GATC: variants seen among roughly 807,000 people sequenced by gnomAD.
GATC encodes glutamyl-tRNA(Gln) amidotransferase subunit C, mitochondrial.
GATC carries 11 observed loss-of-function variants against 14.4 expected under a neutral mutation model. The ratio of observed to expected loss-of-function variants is 0.77; its 90% CI spans 0.48 to 1.27. The LOEUF (loss-of-function observed/expected upper bound fraction) is 1.27. Ranked by LOEUF, GATC falls within the 50% of genes most tolerant of loss-of-function variation. GATC has a pLI of 0.00. For missense variants in GATC, 204 were observed against 183.0 expected (o/e 1.11, Z -0.66); for synonymous variants, 76 against 79.3 (o/e 0.96, Z 0.22).
intron 2 of GATC, among the ~76,000 whole-genome samples, chr12:120,456,707 G>C (rs4767898): frequency 0.73 from 111,226 of 152,130 alleles, 41,847 homozygotes; most frequent in African/African-American, 0.92. Flanking sequence ...TGCTACTCAC[G>C]CAGGCTGGAC....
rs766847472 is a variant in GATC at position 120,446,463 on chromosome 12, G to T, written c.-18G>T. The T allele has an allele frequency of 6.2e-7, 1 of 1,604,706 alleles. No individual in the cohort carries two copies. The highest frequency in any genetic ancestry group is 1.1e-5 in the South Asian group (1 of 90,534). On this transcript the variant is annotated 5_prime_UTR_variant, in exon 1 of 4. Transcript: ENST00000551765. ...GGCGTTACGCGCGGGCGCACTGCGG[G>T]GGCCAAGGAAGGAAGAAATGTGGTC...
intron 2 of GATC, among the ~76,000 whole-genome samples, chr12:120,453,141 CAAAG>C (rs10581645): frequency 0.29 from 43,620 of 151,790 alleles, 6,567 homozygotes; most frequent in East Asian, 0.49. Context: ...AAAAGAAGCT[CAAAG>C]AAAGAAAAGC....
rs1305926677 is a variant in GATC, at chr12:120,450,820, T to C, written c.254+3991T>C. 4 of 152,126 alleles carry C rather than the reference T, an allele frequency of 2.6e-5. No individual in the cohort carries two copies. The East Asian group carries it at 7.7e-4, about 29-fold the overall frequency. The allele number at this position is 152,126 out of a possible 1,614,324, so 9.4% of individuals were successfully genotyped here. ...TGCAGGAGGCCAAGTTGCTTAAATG[T>C]TTTAGGTAGTAGGCATCTTAGCTAT... On this transcript the variant is annotated intron_variant, in intron 2 of 3. Coordinates refer to ENST00000551765, the MANE Select transcript of GATC (RefSeq NM_176818.3).
chr12:120,457,664 T>G (rs1468517006), intron 3 of GATC, among the ~76,000 whole-genome samples: 1 of 142,240 alleles, frequency 7.0e-6, no homozygotes, highest in Non-Finnish European at 1.5e-5. Context: ...TGGAGTGCAA[T>G]GGTGCAATCT....
At chr12:120,457,235 A>G in intron 3 of GATC, 56 bp downstream of exon 3, 1 of 1,292,032 alleles carries the variant, frequency 7.7e-7, no homozygotes. Context: ...TTAGGAATGA[A>G]GCAGGAAGCA....
Position 120,462,320 on chromosome 12 carries a change from G to A in GATC, c.*2361G>A. On this transcript the variant is annotated 3_prime_UTR_variant, in exon 4 of 4. Coordinates refer to ENST00000551765, the MANE Select transcript of GATC (RefSeq NM_176818.3). ...TCTCATTAAACCTTCATAACATTAT[G>A]AGGTAGGTACTCTTACTATCCCATT... 2 of 681,484 alleles carry A rather than the reference G, an allele frequency of 2.9e-6. No homozygotes were observed. Among genetic ancestry groups the A allele is most frequent in the Non-Finnish European group, 4.7e-6 (2 of 430,038 alleles). The allele number at this position is 681,484 out of a possible 1,614,324, so 42.2% of individuals were successfully genotyped here. A position where few individuals can be genotyped will look rare whatever the true frequency, so the allele number is the denominator to read the frequency against.
At chr12:120,455,217 T>C (rs1258192278) in intron 2 of GATC, among the ~76,000 whole-genome samples, 2 of 150,154 alleles carry the variant, frequency 1.3e-5, no homozygotes, top group African/African-American at 4.9e-5. Flanking sequence ...CGCCCAGGCT[T>C]GAGTGCAGTG....
In GATC at chr12:120,462,831, A is replaced by T. The variant is rs1025656730; in HGVS notation, c.*2872A>T. 5.3e-5 allele frequency: 8 copies of T among 152,228 alleles called. No individual in the cohort carries two copies. The highest frequency in any genetic ancestry group is 1.9e-4 in the African/African-American group (8 of 41,440). The allele number at this position is 152,228 out of a possible 1,614,324, so 9.4% of individuals were successfully genotyped here. On this transcript the variant is annotated 3_prime_UTR_variant, in exon 4 of 4. Coordinates refer to ENST00000551765, the MANE Select transcript of GATC (RefSeq NM_176818.3). ...AGATCCAAAGATGCCAAGGGGAAAG[A>T]AGCCGGATGCTTTTTCACCTTAGGT...
chr12:120,453,531 G>A (rs1878103944), intron 2 of GATC, among the ~76,000 whole-genome samples: 1 of 152,188 alleles, frequency 6.6e-6, no homozygotes, highest in South Asian at 2.1e-4. Context: ...GACAGGTGGT[G>A]AGGTAGAAGT....
intron 2 of GATC, among the ~76,000 whole-genome samples, chr12:120,452,116 A>G (rs1053337267): frequency 2.6e-5 from 4 of 152,088 alleles, no homozygotes; most frequent in African/African-American, 9.7e-5. Context: ...ACCTCAGGTC[A>G]TCCGCCTGCC....
At chr12:120,455,475 C>T (rs1298809098) in intron 2 of GATC, among the ~76,000 whole-genome samples, 1 of 151,698 alleles carries the variant, frequency 6.6e-6, no homozygotes, top group African/African-American at 2.4e-5. Context: ...GGCCTTTCTC[C>T]CCCACACCCC....
Position 120,460,152 on chromosome 12 carries a change from G to A in GATC, c.*193G>A, listed in dbSNP as rs958696423. On this transcript the variant is annotated 3_prime_UTR_variant, in exon 4 of 4. Coordinates refer to ENST00000551765, the MANE Select transcript of GATC (RefSeq NM_176818.3). ...GGCCCCAACAAGGCAGTGAGTTCCT[G>A]ATGCTAACTGAGGTGAAAGAAAAGC... 2 of 513,420 alleles carry A rather than the reference G, an allele frequency of 3.9e-6. No homozygotes were observed. The highest frequency in any genetic ancestry group is 7.2e-6 in the Non-Finnish European group (2 of 277,716). The allele number at this position is 513,420 out of a possible 1,614,324, so 31.8% of individuals were successfully genotyped here.
At chr12:120,446,941 G>A in intron 2 of GATC, 112 bp downstream of exon 2, 2 of 1,064,072 alleles carry the variant, frequency 1.9e-6, no homozygotes, top group South Asian at 1.7e-5. Context: ...GCAAGATTCA[G>A]GAACTTGCCC....
At chr12:120,459,095 C>T (rs1367786353) in intron 3 of GATC, among the ~76,000 whole-genome samples, 5 of 151,996 alleles carry the variant, frequency 3.3e-5, no homozygotes, top group Admixed American at 6.6e-5. Flanking sequence ...CTCCTGACCT[C>T]GTGATCGTCC....
chr12:120,459,793 C>G (rs563563243), intron 3 of GATC, 114 bp from the exon 4 acceptor site: 2 of 659,002 alleles, frequency 3.0e-6, no homozygotes, highest in Admixed American at 2.3e-5. Flanking sequence ...GGGGGCGGAG[C>G]CTGCAGTGAG....
intron 2 of GATC, among the ~76,000 whole-genome samples, chr12:120,451,357 T>G (rs1349478677): frequency 1.3e-5 from 2 of 151,376 alleles, no homozygotes; most frequent in African/African-American, 4.9e-5. Flanking sequence ...AGCAGGAGAA[T>G]CGGTTGAACC....
Position 120,462,326 on chromosome 12 carries a change from G to A in GATC, c.*2367G>A. ...TAAACCTTCATAACATTATGAGGTAGGTACTCTTACTATCCCATTTCAAGA... is the reference window on the plus strand; with the variant it reads ...TAAACCTTCATAACATTATGAGGTAAGTACTCTTACTATCCCATTTCAAGA... On this transcript the variant is annotated 3_prime_UTR_variant, in exon 4 of 4. Coordinates refer to ENST00000551765, the MANE Select transcript of GATC (RefSeq NM_176818.3). 1 of 626,932 alleles carries A rather than the reference G, an allele frequency of 1.6e-6. No individual in the cohort carries two copies. The highest frequency in any genetic ancestry group is 3.2e-5 in the East Asian group (1 of 31,630). 38.8% of individuals were successfully genotyped at this position (626,932 alleles called of 1,614,324 possible).
chr12:120,455,296 G>A (rs1209168447), intron 2 of GATC, among the ~76,000 whole-genome samples: 1 of 151,966 alleles, frequency 6.6e-6, no homozygotes, highest in Non-Finnish European at 1.5e-5. Context: ...AGCCTCCCGA[G>A]TAGTTGGGAT....
At chr12:120,454,856 TCA>T in intron 2 of GATC, 5 of 224,764 alleles carry the variant, frequency 2.2e-5, no homozygotes, top group African/African-American at 9.6e-5. Flanking sequence ...CTTGTGTTAT[TCA>T]AAAAAAAAAA....
Sources: allele counts gnomAD v4.1 joint callset (sites outside exome capture counted in the v4.1 genomes callset), GRCh38; gene constraint gnomAD v4.1.1; transcripts MANE v1.5; gene names NCBI Gene and HGNC (gene_info 2026-07-23, HGNC 2026-07-21).